AFG3L2: variants seen among roughly 807,000 people sequenced by gnomAD.
AFG3L2 encodes the protein AFG3 like matrix AAA peptidase subunit 2.
AFG3L2 carries 54 observed loss-of-function variants against 94.5 expected under a neutral mutation model. The observed-to-expected ratio is 0.57, with a 90% CI of 0.46 to 0.72. The LOEUF is 0.72. Ranked by LOEUF, AFG3L2 falls within the 30% of genes least tolerant of loss-of-function variation. The pLI is 0.00. For missense variants in AFG3L2, 754 were observed against 994.9 expected (o/e 0.76, Z 3.26); for synonymous variants, 377 against 365.5 (o/e 1.03, Z -0.36).
rs771183543 is a variant in AFG3L2 at position 12,356,858 on chromosome 18, T to A, written c.1027-27A>T. ...TTCAGATATGAAAAAAGAAATTACA[T>A]TTAATGAGAATTCCAGAAAAGTAAA... On this transcript the variant is annotated intron_variant, in intron 8 of 16. Coordinates refer to ENST00000269143, the MANE Select transcript of AFG3L2 (RefSeq NM_006796.3). 3.1e-6 allele frequency: 5 copies of A among 1,611,416 alleles called. No homozygotes were observed. The Admixed American group carries it at 6.7e-5, about 22-fold the overall frequency.
In AFG3L2 at chr18:12,344,126, C is replaced by T; in HGVS notation, c.1779+6G>A. 6.2e-7 allele frequency: 1 copy of T among 1,612,582 alleles called. No homozygotes were observed. The highest frequency in any genetic ancestry group is 8.5e-7 in the Non-Finnish European group (1 of 1,179,758). On this transcript the variant is annotated splice_donor_region_variant and intron_variant, in intron 14 of 16. Transcript: ENST00000269143. ...CTGGCTGCCTAGTGCAGCTACCCTG[C>T]TTCACCTTTAAAAGCGGGTCTGCGT... is the stretch of plus-strand genomic sequence containing the variant.
rs1208815260 is a variant in AFG3L2, at chr18:12,371,638, T to C, written c.168A>G (p.Thr56=). 2 of 1,614,108 alleles carry C rather than the reference T, an allele frequency of 1.2e-6. No individual in the cohort carries two copies. Among genetic ancestry groups the C allele is most frequent in the Admixed American group, 1.7e-5 (1 of 60,030 alleles). The change falls in exon 2 of 17, where the codon ACA becomes ACG. Residue 56 remains threonine (T), a synonymous_variant. Transcript: ENST00000269143. Reference sequence around the variant, plus strand: ...ATCTTTGATAAGCAGCAATTATATCTGTCAAAAGAGAATTTCTGCTGGCCC... The same window carrying C: ...ATCTTTGATAAGCAGCAATTATATCCGTCAAAAGAGAATTTCTGCTGGCCC... ...QARASRNSLL[T]DIIAAYQRFC...
At chr18:12,337,175 C>T (rs1907770242) in intron 16 of AFG3L2, 166 bp downstream of exon 16, 1 of 689,108 alleles carries the variant, frequency 1.5e-6, no homozygotes, top group East Asian at 2.7e-5. Context: ...CATTGCAACC[C>T]CCGCTTGAAG....
intron 5 of AFG3L2, among the ~76,000 whole-genome samples, chr18:12,365,120 A>T (rs117503462): frequency 0.013 from 1,967 of 152,350 alleles, 15 homozygotes; most frequent in Middle Eastern, 0.044. Context: ...AAAGCAAAGG[A>T]GCCCCAGAGC....
At chr18:12,337,200 G>T (rs573683362) in intron 16 of AFG3L2, 141 bp downstream of exon 16, 2 of 777,302 alleles carry the variant, frequency 2.6e-6, no homozygotes, top group Admixed American at 3.8e-5. Flanking sequence ...AGCAGACAAC[G>T]AAACATCAGA....
chr18:12,331,840 T>A (rs1265499503), intron 16 of AFG3L2, among the ~76,000 whole-genome samples: 1 of 2,452 alleles, frequency 4.1e-4, no homozygotes, highest in Non-Finnish European at 1.7e-3. Context: ...TATATATATA[T>A]ATATATATAT....
intron 16 of AFG3L2, among the ~76,000 whole-genome samples, chr18:12,331,383 C>T (rs1907519502): frequency 2.0e-5 from 3 of 152,230 alleles, no homozygotes; most frequent in Non-Finnish European, 4.4e-5. Context: ...AAGCTTGCTG[C>T]TCATGCTGCC....
rs1908604092 is a variant in AFG3L2, at chr18:12,359,800, A to T, written c.752+127T>A. On this transcript the variant is annotated intron_variant, in intron 7 of 16. Transcript: ENST00000269143. ...ACTAGTGAGTTACTAATAGTTTTTTAAAAATCTGGCCAAACTGATAAAGGC... is the reference window on the plus strand; with the variant it reads ...ACTAGTGAGTTACTAATAGTTTTTTTAAAATCTGGCCAAACTGATAAAGGC... 14 of 1,285,668 alleles carry T rather than the reference A, an allele frequency of 1.1e-5. No individual in the cohort carries two copies. The South Asian group carries it at 1.3e-4, about 12-fold the overall frequency. 79.6% of individuals were successfully genotyped at this position (1,285,668 alleles called of 1,614,324 possible).
chr18:12,349,708 C>A (rs914765403), intron 12 of AFG3L2, among the ~76,000 whole-genome samples: 1 of 152,188 alleles, frequency 6.6e-6, no homozygotes, highest in Non-Finnish European at 1.5e-5. Flanking sequence ...GTCACCCAGG[C>A]TGGAGTGCAA....
chr18:12,366,672 C>T lies in AFG3L2; in HGVS notation c.552+293G>A, dbSNP rs9946027. Reference sequence around the variant, plus strand: ...CACAGAGCAGGGGCAGCTGAGGGCACGTGAGAAAAGGGCGCAAGCAGAGGA... The same window carrying T: ...CACAGAGCAGGGGCAGCTGAGGGCATGTGAGAAAAGGGCGCAAGCAGAGGA... On this transcript the variant is annotated intron_variant, in intron 5 of 16. Coordinates refer to ENST00000269143, the MANE Select transcript of AFG3L2 (RefSeq NM_006796.3). Among the ~76,000 whole-genome samples, 722 of 152,142 alleles carry T rather than the reference C, an allele frequency of 4.7e-3. 10 individuals are homozygous for T. The highest frequency in any genetic ancestry group is 0.016 in the African/African-American group (681 of 41,504).
At chr18:12,351,890 T>C (rs996968849) in intron 10 of AFG3L2, among the ~76,000 whole-genome samples, 1 of 152,228 alleles carries the variant, frequency 6.6e-6, no homozygotes, top group Admixed American at 6.5e-5. Context: ...ATTTTTTTAC[T>C]ATTCAGCTCG....
intron 13 of AFG3L2, among the ~76,000 whole-genome samples, chr18:12,344,884 A>G (rs1908083161): frequency 6.6e-6 from 1 of 152,204 alleles, no homozygotes; most frequent in Non-Finnish European, 1.5e-5. Context: ...AGAAATGTAA[A>G]ATAAAATTCA....
intron 6 of AFG3L2, among the ~76,000 whole-genome samples, chr18:12,363,146 C>A (rs569169065): frequency 5.9e-5 from 9 of 152,120 alleles, no homozygotes; most frequent in Non-Finnish European, 1.3e-4. Context: ...TTGCCCTGTC[C>A]AGGCGGGATG....
At chr18:12,354,087 C>T (rs180703563) in intron 9 of AFG3L2, among the ~76,000 whole-genome samples, 39 of 151,614 alleles carry the variant, frequency 2.6e-4, no homozygotes, top group African/African-American at 9.2e-4. Flanking sequence ...CAGTCACCTG[C>T]CCCTTCAAGG....
chr18:12,344,338 TA>T, intron 13 of AFG3L2, 91 bp from the exon 14 acceptor site: 2 of 1,088,934 alleles, frequency 1.8e-6, no homozygotes. Context: ...TTGCCTTACC[TA>T]AAATGGGGTT....
chr18:12,356,911 A>G (rs913452090), intron 8 of AFG3L2, 80 bp from the exon 9 acceptor site: 1 of 1,397,036 alleles, frequency 7.2e-7, no homozygotes, highest in Non-Finnish European at 9.9e-7. Flanking sequence ...ATTACAAGAT[A>G]TAACTCTGTC....
At chr18:12,355,841 G>C (rs551163165) in intron 9 of AFG3L2, among the ~76,000 whole-genome samples, 4 of 151,682 alleles carry the variant, frequency 2.6e-5, no homozygotes, top group African/African-American at 9.7e-5. Flanking sequence ...GCTAATTTTG[G>C]TTTTGTTTTT....
intron 10 of AFG3L2, 40 bp downstream of exon 10, chr18:12,352,965 C>A (rs1375088594): frequency 6.3e-6 from 10 of 1,592,238 alleles, no homozygotes; most frequent in South Asian, 3.4e-5. Context: ...AAAAAAAAAA[C>A]AAAAGTGCAG....
At chr18:12,358,966 G>A (rs553265262) in intron 7 of AFG3L2, 23 bp from the exon 8 acceptor site, 6 of 1,600,418 alleles carry the variant, frequency 3.7e-6, no homozygotes, top group South Asian at 2.2e-5. Flanking sequence ...AGCGCAACAC[G>A]GGTTAGGACT....
Sources: allele counts gnomAD v4.1 joint callset (sites outside exome capture counted in the v4.1 genomes callset), GRCh38; gene constraint gnomAD v4.1.1; transcripts MANE v1.5; gene names NCBI Gene and HGNC (gene_info 2026-07-23, HGNC 2026-07-21).